The following GLIS3 variants were observed in gnomAD, a reference collection of about 807,000 sequenced individuals.
GLIS3 encodes the protein zinc finger protein GLIS3.
A neutral mutation model predicts 78.6 loss-of-function variants in GLIS3; 53 were observed. The ratio of observed to expected loss-of-function variants is 0.67; its 90% confidence interval spans 0.54 to 0.85. The LOEUF is 0.85. GLIS3 is among the 40% of genes least tolerant of loss of function. The pLI, the probability that GLIS3 is intolerant of heterozygous loss-of-function variation, is 0.00. For synonymous variants in GLIS3, 684 were observed against 509.9 expected, an observed-to-expected ratio of 1.34 and a Z score of -4.60; for missense variants, 1,703 against 1,231.1, an observed-to-expected ratio of 1.38 and a Z score of -5.74.
At chr9:4,316,040 A>G (rs931659049) in intron 2 of GLIS3, among the ~76,000 whole-genome samples, 1 of 152,202 alleles carries the variant, frequency 6.6e-6, no homozygotes, top group African/African-American at 2.4e-5. Flanking sequence ...GATGATCACA[A>G]TGGAAATTTT....
chr9:3,882,631 A>G (rs911627588), intron 7 of GLIS3, among the ~76,000 whole-genome samples: 2 of 152,158 alleles, frequency 1.3e-5, no homozygotes, highest in Non-Finnish European at 2.9e-5. Context: ...GCCCACGTCA[A>G]CTGGTGTTGA....
intron 2 of GLIS3, among the ~76,000 whole-genome samples, chr9:4,319,983 TTGTGTGTG>T (rs58794068): frequency 0.048 from 6,907 of 145,112 alleles, 182 homozygotes; most frequent in African/African-American, 0.055. Flanking sequence ...GTAGAGGGGG[TTGTGTGTG>T]TGTGTGTGTG....
chr9:4,480,827 C>T, the GLIS3 span, among the ~76,000 whole-genome samples: 1 of 147,300 alleles, frequency 6.8e-6, no homozygotes, highest in African/African-American at 2.6e-5. Context: ...AATTACTACA[C>T]CTTCATTGAA....
intron 4 of GLIS3, among the ~76,000 whole-genome samples, chr9:4,012,765 C>CTTTTTTTTTTTTTTTTTTTTTTT (rs71324278): frequency 1.1e-4 from 7 of 66,474 alleles, no homozygotes; most frequent in South Asian, 7.8e-4. Flanking sequence ...TTTTCTTTTT[C>CTTTTTTTTTTTTTTTTTTTTTTT]TTTTTTTTTT....
chr9:4,369,742 C>T, the GLIS3 span, among the ~76,000 whole-genome samples: 4 of 152,086 alleles, frequency 2.6e-5, no homozygotes, highest in South Asian at 2.1e-4. Flanking sequence ...CTATCAGAAT[C>T]CCAAAGGACC....
At chr9:3,944,814 T>G (rs1392340920) in intron 4 of GLIS3, among the ~76,000 whole-genome samples, 1 of 152,258 alleles carries the variant, frequency 6.6e-6, no homozygotes, top group Admixed American at 6.5e-5. Flanking sequence ...GACGTTTATT[T>G]AACTCACAGT....
chr9:4,093,326 G>C (rs557681445), intron 4 of GLIS3, among the ~76,000 whole-genome samples: 15 of 152,172 alleles, frequency 9.9e-5, no homozygotes, highest in Non-Finnish European at 1.9e-4. Context: ...AAAAGAGCCA[G>C]TCACTTTGCC....
chr9:4,266,781 A>G (rs1826053270), intron 2 of GLIS3, among the ~76,000 whole-genome samples: 1 of 152,206 alleles, frequency 6.6e-6, no homozygotes, highest in South Asian at 2.1e-4. Context: ...TGGAAAACAA[A>G]CTATGCATCT....
At chr9:4,439,041 T>C in the GLIS3 span, among the ~76,000 whole-genome samples, 1 of 152,198 alleles carries the variant, frequency 6.6e-6, no homozygotes, top group East Asian at 1.9e-4. Context: ...CAAAATATAA[T>C]GGCCAATGTT....
chr9:4,251,662 GTT>G (rs1824400886), intron 2 of GLIS3, among the ~76,000 whole-genome samples: 1 of 152,082 alleles, frequency 6.6e-6, no homozygotes, highest in African/African-American at 2.4e-5. Flanking sequence ...ATGCTAGCTG[GTT>G]ATTTTGCCCA....
the GLIS3 span, among the ~76,000 whole-genome samples, chr9:4,371,574 C>T: frequency 6.6e-6 from 1 of 152,108 alleles, no homozygotes; most frequent in Non-Finnish European, 1.5e-5. Flanking sequence ...CCACCCCTAA[C>T]CCCCAGCCTG....
rs141087333 is a variant in GLIS3 at position 3,954,313 on chromosome 9, C to T, written c.1711-17124G>A. ...GAAGCTCCTCGATAAAGAGGCAACC[C>T]TCCTGCCAAAGCTTAGAAATAATGG... is the stretch of plus-strand genomic sequence containing the variant. On this transcript the variant is annotated intron_variant, in intron 4 of 10. Coordinates refer to ENST00000381971, the MANE Select transcript of GLIS3 (RefSeq NM_001042413.2). Among the ~76,000 whole-genome samples the T allele has an allele frequency of 3.9e-5, 6 of 152,274 alleles. No homozygotes were observed. In the East Asian group the frequency reaches 1.2e-3, roughly 29 times the overall value.
At chr9:4,462,594 A>AACACACACAC in the GLIS3 span, among the ~76,000 whole-genome samples, 149 of 145,088 alleles carry the variant, frequency 1.0e-3, 1 homozygote, top group South Asian at 2.3e-3. Flanking sequence ...CCATCTCTAT[A>AACACACACAC]ACACACACAC....
At chr9:3,828,466 G>C (rs1817851837) in intron 10 of GLIS3, 58 bp from the exon 11 acceptor site, 1 of 1,602,148 alleles carries the variant, frequency 6.2e-7, no homozygotes, top group Non-Finnish European at 8.5e-7. Flanking sequence ...ACGCCCACTG[G>C]AAATGCACTA....
At chr9:3,929,889 T>C (rs1825506466) in intron 6 of GLIS3, among the ~76,000 whole-genome samples, 1 of 152,240 alleles carries the variant, frequency 6.6e-6, no homozygotes, top group African/African-American at 2.4e-5. Flanking sequence ...TTCTTTTTTT[T>C]AATTGCTGCC....
At chr9:4,476,551 G>A in the GLIS3 span, among the ~76,000 whole-genome samples, 69 of 152,014 alleles carry the variant, frequency 4.5e-4, no homozygotes, top group African/African-American at 1.6e-3. Flanking sequence ...TAGTAAGGAT[G>A]GGGTTTCACC....
At chr9:3,848,489 C>T (rs1288508900) in intron 9 of GLIS3, among the ~76,000 whole-genome samples, 1 of 152,000 alleles carries the variant, frequency 6.6e-6, no homozygotes, top group Admixed American at 6.6e-5. Context: ...ACGACAAGAG[C>T]GAAACTCTGT....
At chr9:4,110,556 A>G (rs570082139) in intron 4 of GLIS3, among the ~76,000 whole-genome samples, 1 of 152,192 alleles carries the variant, frequency 6.6e-6, no homozygotes, top group East Asian at 1.9e-4. Context: ...TTCTCACCAA[A>G]CCCCTATCTA....
intron 4 of GLIS3, among the ~76,000 whole-genome samples, chr9:4,076,779 G>A (rs1285225850): frequency 3.3e-5 from 5 of 152,088 alleles, no homozygotes; most frequent in African/African-American, 1.2e-4. Flanking sequence ...TTTTTTGGCT[G>A]GGCACAGGGG....
Sources: gnomAD v4.1 joint callset for allele counts (sites outside exome capture counted in the v4.1 genomes callset) on GRCh38, gnomAD v4.1.1 for gene constraint, MANE v1.5 for transcripts, NCBI Gene and HGNC (gene_info 2026-07-23, HGNC 2026-07-21) for gene names.